PCCA: variants seen among roughly 807,000 people sequenced by gnomAD.
PCCA encodes propionyl-CoA carboxylase alpha chain, mitochondrial.
In PCCA, 74 loss-of-function variants were observed where a neutral mutation model predicts 101.3. That is an observed-to-expected ratio of 0.73 (90% CI 0.61 to 0.89). The LOEUF (loss-of-function observed/expected upper bound fraction) is 0.89, where lower values mean the gene tolerates loss of function less well. Among genes scored for constraint, PCCA ranks in the 40% least tolerant of loss-of-function variants. PCCA has a pLI of 0.00. For synonymous variants in PCCA, 294 were observed against 313.6 expected (o/e 0.94, Z 0.66); for missense variants, 891 against 907.0 (o/e 0.98, Z 0.23).
At chr13:100,137,408 T>A (rs1363792426) in intron 4 of PCCA, among the ~76,000 whole-genome samples, 1 of 152,198 alleles carries the variant, frequency 6.6e-6, no homozygotes, top group East Asian at 1.9e-4. Context: ...CCATGCCAAT[T>A]TTCTACTACT....
At chr13:100,111,555 C>T (rs1220063865) in intron 2 of PCCA, among the ~76,000 whole-genome samples, 1 of 152,158 alleles carries the variant, frequency 6.6e-6, no homozygotes, top group African/African-American at 2.4e-5. Flanking sequence ...CATTAACCTA[C>T]TATGCTTTAA....
chr13:100,161,942 A>C (rs1230413707), intron 6 of PCCA, among the ~76,000 whole-genome samples: 3 of 152,196 alleles, frequency 2.0e-5, no homozygotes, highest in African/African-American at 7.2e-5. Context: ...ATTTTTGAGA[A>C]TGTAAAATGC....
intron 18 of PCCA, among the ~76,000 whole-genome samples, chr13:100,352,315 G>A (rs1409317891): frequency 1.3e-5 from 2 of 151,220 alleles, no homozygotes; most frequent in African/African-American, 4.9e-5. Flanking sequence ...TAAAAGGATG[G>A]AAAAAAGTAT....
chr13:100,271,944 A>G (rs2063341162), intron 11 of PCCA, among the ~76,000 whole-genome samples: 1 of 152,238 alleles, frequency 6.6e-6, no homozygotes, highest in Non-Finnish European at 1.5e-5. Flanking sequence ...AGTTTTTTAT[A>G]CTATTCCATA....
chr13:100,497,447 A>T (rs926926518), intron 21 of PCCA, among the ~76,000 whole-genome samples: 1 of 150,890 alleles, frequency 6.6e-6, no homozygotes, highest in African/African-American at 2.4e-5. Flanking sequence ...CCTCTTTGAC[A>T]CCCAGCCAAT....
chr13:100,487,477 TGTGTGTG>T (rs2152976080), intron 21 of PCCA, among the ~76,000 whole-genome samples: 1 of 152,348 alleles, frequency 6.6e-6, no homozygotes, highest in East Asian at 1.9e-4. Context: ...TAGTTGATTG[TGTGTGTG>T]GTGTGATGTT....
At chr13:100,523,625 C>T (rs837324) in intron 22 of PCCA, among the ~76,000 whole-genome samples, 84,567 of 152,030 alleles carry the variant, frequency 0.56, 24,111 homozygotes, top group East Asian at 0.77. Flanking sequence ...AGGCCGACTC[C>T]TGCTTAATGA....
intron 18 of PCCA, among the ~76,000 whole-genome samples, chr13:100,366,983 A>G (rs190790092): frequency 5.3e-5 from 8 of 152,278 alleles, no homozygotes; most frequent in African/African-American, 1.9e-4. Context: ...AATGCTGAAT[A>G]CACAGAGACT....
chr13:100,353,376 T>C (rs1015044432), intron 18 of PCCA, among the ~76,000 whole-genome samples: 1 of 152,172 alleles, frequency 6.6e-6, no homozygotes, highest in Non-Finnish European at 1.5e-5. Flanking sequence ...CCATACCATA[T>C]ACTAGGCCAT....
intron 16 of PCCA, 67 bp downstream of exon 16, chr13:100,309,975 G>T (rs775433351): frequency 8.7e-7 from 1 of 1,149,922 alleles, no homozygotes; most frequent in Non-Finnish European, 1.3e-6. Context: ...ACAGCCTGGG[G>T]GTTTACCAAT....
At chr13:100,240,456 C>T (rs1247569304) in intron 8 of PCCA, among the ~76,000 whole-genome samples, 2 of 151,840 alleles carry the variant, frequency 1.3e-5, no homozygotes, top group African/African-American at 4.8e-5. Context: ...AAAATAGCTC[C>T]TTGCAGTCTT....
intron 16 of PCCA, among the ~76,000 whole-genome samples, chr13:100,318,942 G>A (rs943485143): frequency 6.6e-6 from 1 of 152,130 alleles, no homozygotes; most frequent in African/African-American, 2.4e-5. Flanking sequence ...CTAGTTTACA[G>A]TCCCACCAAC....
chr13:100,407,764 C>G (rs923782795), intron 19 of PCCA, among the ~76,000 whole-genome samples: 1 of 152,188 alleles, frequency 6.6e-6, no homozygotes, highest in South Asian at 2.1e-4. Flanking sequence ...CTAAAAAACA[C>G]ATTTTACTGT....
intron 6 of PCCA, among the ~76,000 whole-genome samples, chr13:100,204,953 A>AT (rs577043660): frequency 2.3e-4 from 34 of 147,730 alleles, no homozygotes; most frequent in East Asian, 1.2e-3. Flanking sequence ...TTGGCTCATA[A>AT]TTTTTTTTTT....
chr13:100,397,825 A>C (rs2077120554), intron 19 of PCCA, among the ~76,000 whole-genome samples: 1 of 152,186 alleles, frequency 6.6e-6, no homozygotes, highest in Non-Finnish European at 1.5e-5. Flanking sequence ...AAGATTAAGG[A>C]AACTAGATGG....
chr13:100,467,063 C>G (rs958443248), intron 21 of PCCA, among the ~76,000 whole-genome samples: 1 of 152,146 alleles, frequency 6.6e-6, no homozygotes, highest in Non-Finnish European at 1.5e-5. Context: ...TTGAGATCAC[C>G]AGTAGAATCC....
chr13:100,362,093 G>A (rs2074673919), intron 18 of PCCA, among the ~76,000 whole-genome samples: 1 of 152,060 alleles, frequency 6.6e-6, no homozygotes, highest in Admixed American at 6.5e-5. Flanking sequence ...TCAACAACAT[G>A]GATGGATGCA....
chr13:100,339,567 C>T (rs899153120), intron 17 of PCCA, among the ~76,000 whole-genome samples: 3 of 152,176 alleles, frequency 2.0e-5, no homozygotes, highest in Non-Finnish European at 4.4e-5. Context: ...TGCGGCCAGC[C>T]GACTATCCCA....
intron 16 of PCCA, among the ~76,000 whole-genome samples, chr13:100,329,535 A>G (rs569086727): frequency 6.6e-6 from 1 of 152,314 alleles, no homozygotes; most frequent in South Asian, 2.1e-4. Flanking sequence ...ACCATTCTAC[A>G]GTCGTTTGGC....
Sources: gnomAD v4.1 joint callset for allele counts (sites outside exome capture counted in the v4.1 genomes callset) on GRCh38, gnomAD v4.1.1 for gene constraint, MANE v1.5 for transcripts, NCBI Gene and HGNC (gene_info 2026-07-23, HGNC 2026-07-21) for gene names.